ME3: variants seen among roughly 807,000 people sequenced by gnomAD.
ME3 encodes malic enzyme 3.
A neutral mutation model predicts 68.9 loss-of-function variants in ME3; 48 were observed. The observed-to-expected ratio is 0.70, with a 90% CI of 0.55 to 0.89. The LOEUF is 0.89. ME3 is among the 40% of genes least tolerant of loss of function. The pLI is 0.00. For synonymous variants in ME3, 320 were observed against 318.8 expected (o/e 1.00, Z -0.04); for missense variants, 675 against 797.4 (o/e 0.85, Z 1.85).
rs2139683289 is a variant in ME3 at position 86,594,637 on chromosome 11, T to C, written c.184-34814A>G. Among the ~76,000 whole-genome samples the C allele has an allele frequency of 1.4e-5, 2 of 146,092 alleles. 1 individual carries two copies. Among genetic ancestry groups the C allele is most frequent in the East Asian group, 4.8e-4 (2 of 4,186 alleles). ...TGAGCCCGAGAGGTCAACGCTGCAG[T>C]GAGCTGTGATTGCACCACTGACACA... On this transcript the variant is annotated intron_variant, in intron 2 of 14. Transcript: ENST00000543262.
chr11:86,546,752 G>A lies in ME3; in HGVS notation c.467+9801C>T, dbSNP rs192169332. 2.2e-3 allele frequency among the ~76,000 whole-genome samples: 329 copies of A among 152,316 alleles called. 1 individual carries two copies. The highest frequency in any genetic ancestry group is 8.7e-3 in the South Asian group (42 of 4,812). On this transcript the variant is annotated intron_variant, in intron 4 of 14. Transcript: ENST00000543262. ...ATTTGTTCAACCATTGTGGAAGACA[G>A]TGTGGCGATTCCTCGAAGATGTAGA...
At chr11:86,621,987 A>T (rs549114190) in intron 2 of ME3, among the ~76,000 whole-genome samples, 1 of 152,098 alleles carries the variant, frequency 6.6e-6, no homozygotes, top group South Asian at 2.1e-4. Context: ...AACTTCCAGC[A>T]TTGTTAATGG....
intron 5 of ME3, among the ~76,000 whole-genome samples, chr11:86,504,515 C>G (rs540615377): frequency 6.6e-6 from 1 of 151,186 alleles, no homozygotes; most frequent in East Asian, 1.9e-4. Context: ...CTCAGCCTCC[C>G]GAGAAGCTGG....
intron 2 of ME3, among the ~76,000 whole-genome samples, chr11:86,597,565 C>T (rs1959721554): frequency 6.6e-6 from 1 of 152,242 alleles, no homozygotes; most frequent in Non-Finnish European, 1.5e-5. Flanking sequence ...AGTATGCTCT[C>T]TGGAGCATGT....
intron 10 of ME3, among the ~76,000 whole-genome samples, 168 bp from the exon 11 acceptor site, chr11:86,448,423 A>T (rs746193001): frequency 6.6e-6 from 1 of 152,190 alleles, no homozygotes. Flanking sequence ...GGCAGAACCT[A>T]TGGTGGGACA....
At chr11:86,652,049 G>A (rs920992999) in intron 2 of ME3, among the ~76,000 whole-genome samples, 4 of 152,122 alleles carry the variant, frequency 2.6e-5, no homozygotes, top group African/African-American at 9.7e-5. Flanking sequence ...AGAGAAAAAG[G>A]AATAAAAAGA....
intron 4 of ME3, among the ~76,000 whole-genome samples, chr11:86,524,859 G>T (rs1305070253): frequency 6.6e-6 from 1 of 152,204 alleles, no homozygotes; most frequent in Admixed American, 6.5e-5. Flanking sequence ...AATTAAGCAG[G>T]GGGAAGGGGA....
Position 86,595,314 on chromosome 11 carries a change from G to A in ME3, c.184-35491C>T, listed in dbSNP as rs527245677. Among the ~76,000 whole-genome samples, 19 of 133,658 alleles carry A rather than the reference G, an allele frequency of 1.4e-4. 5 individuals are homozygous for A. Among genetic ancestry groups the A allele is most frequent in the Admixed American group, 2.5e-4 (3 of 12,218 alleles). 87.7% of individuals were successfully genotyped at this position (133,658 alleles called of 152,430 possible). On this transcript the variant is annotated intron_variant, in intron 2 of 14. Coordinates refer to ENST00000543262, the Ensembl canonical transcript of ME3. ...ATACATATATATATATATAGAGAGAGAGAGAGAGAGAGAGAGAGCTTATTA... is the reference window on the plus strand; with the variant it reads ...ATACATATATATATATATAGAGAGAAAGAGAGAGAGAGAGAGAGCTTATTA...
intron 2 of ME3, among the ~76,000 whole-genome samples, chr11:86,605,574 C>T (rs1196549574): frequency 1.3e-5 from 2 of 152,192 alleles, no homozygotes; most frequent in East Asian, 3.9e-4. Context: ...CTAGCCATGA[C>T]AATCTATGAC....
intron 2 of ME3, among the ~76,000 whole-genome samples, chr11:86,560,704 A>G (rs12272130): frequency 0.01 from 1,015 of 101,396 alleles, 14 homozygotes; most frequent in East Asian, 0.032. Flanking sequence ...ATATAATGAT[A>G]TGTGTGTGTG....
chr11:86,567,032 A>T (rs2139517642), intron 2 of ME3, among the ~76,000 whole-genome samples: 1 of 152,162 alleles, frequency 6.6e-6, no homozygotes, highest in Non-Finnish European at 1.5e-5. Flanking sequence ...AGTCTGACCA[A>T]CATGGAGAAA....
intron 7 of ME3, among the ~76,000 whole-genome samples, chr11:86,475,851 G>GTATATATATATATATATA (rs68158647): frequency 5.2e-5 from 6 of 114,632 alleles, no homozygotes; most frequent in Admixed American, 1.8e-4. Flanking sequence ...CTAATATTCA[G>GTATATATATATATATATA]TATATATATA....
At chr11:86,596,737 C>T (rs1594594560) in intron 2 of ME3, among the ~76,000 whole-genome samples, 1 of 152,204 alleles carries the variant, frequency 6.6e-6, no homozygotes, top group South Asian at 2.1e-4. Flanking sequence ...TGGCCAAGGT[C>T]ATGTAGGTAA....
intron 6 of ME3, 34 bp from the exon 7 acceptor site, chr11:86,487,474 TC>T: frequency 6.6e-7 from 1 of 1,508,814 alleles, no homozygotes; most frequent in South Asian, 1.2e-5. Context: ...CTGAGCCTAC[TC>T]CCGGTGTTCC....
At chr11:86,575,760 A>G (rs1306418505) in intron 2 of ME3, among the ~76,000 whole-genome samples, 1 of 152,238 alleles carries the variant, frequency 6.6e-6, no homozygotes, top group African/African-American at 2.4e-5. Flanking sequence ...AGACAGGGCC[A>G]TGACTTGGTC....
At chr11:86,554,869 T>C (rs1956853166) in intron 4 of ME3, among the ~76,000 whole-genome samples, 3 of 152,222 alleles carry the variant, frequency 2.0e-5, no homozygotes, top group Admixed American at 6.5e-5. Context: ...GTTTGTATTC[T>C]AGTAGAAGAC....
chr11:86,605,299 A>C (rs1961460634), intron 2 of ME3, among the ~76,000 whole-genome samples: 1 of 152,194 alleles, frequency 6.6e-6, no homozygotes, highest in African/African-American at 2.4e-5. Context: ...TTTCCAACCT[A>C]TGCCACCGGT....
chr11:86,533,029 G>T (rs1260079441), intron 4 of ME3, among the ~76,000 whole-genome samples: 6 of 151,748 alleles, frequency 4.0e-5, no homozygotes, highest in African/African-American at 1.5e-4. Flanking sequence ...TCCAGCCTGG[G>T]TGACAGAGCA....
chr11:86,531,628 A>G (rs1286929282), intron 4 of ME3, among the ~76,000 whole-genome samples: 1 of 152,220 alleles, frequency 6.6e-6, no homozygotes, highest in Non-Finnish European at 1.5e-5. Flanking sequence ...GAATGGATTA[A>G]GAAAATGTGG....
Sources: allele counts gnomAD v4.1 joint callset (sites outside exome capture counted in the v4.1 genomes callset), GRCh38; gene constraint gnomAD v4.1.1; transcripts MANE v1.5; gene names NCBI Gene and HGNC (gene_info 2026-07-23, HGNC 2026-07-21).